Variants in PLEKHA5 observed in about 807,000 individuals in gnomAD.
PLEKHA5 encodes the protein pleckstrin homology domain containing A5.
A neutral mutation model predicts 181.9 loss-of-function variants in PLEKHA5; 55 were observed. The ratio of observed to expected loss-of-function variants is 0.30; its 90% CI spans 0.24 to 0.38. The LOEUF (loss-of-function observed/expected upper bound fraction) is 0.38, where lower values mean the gene tolerates loss of function less well. Among genes scored for constraint, PLEKHA5 ranks in the 10% least tolerant of loss-of-function variants. The pLI is 1.00. For missense variants in PLEKHA5, 1,432 were observed against 1,549.5 expected (o/e 0.92, Z 1.27); for synonymous variants, 535 against 529.4 (o/e 1.01, Z -0.15).
chr12:19,316,457 C>G (rs892834031), intron 16 of PLEKHA5, among the ~76,000 whole-genome samples: 1 of 152,052 alleles, frequency 6.6e-6, no homozygotes, highest in Non-Finnish European at 1.5e-5. Context: ...ATGTCTGAGA[C>G]TGGCACATTA....
intron 3 of PLEKHA5, among the ~76,000 whole-genome samples, chr12:19,227,755 G>T (rs1337138270): frequency 6.6e-6 from 1 of 152,296 alleles, no homozygotes; most frequent in African/African-American, 2.4e-5. Context: ...AAGAAAAAAA[G>T]AATGGGCAGT....
chr12:19,260,357 G>A (rs1049304937), intron 6 of PLEKHA5, among the ~76,000 whole-genome samples: 1 of 152,186 alleles, frequency 6.6e-6, no homozygotes, highest in African/African-American at 2.4e-5. Flanking sequence ...AGATGTTTGT[G>A]TTGAGAAGAG....
intron 15 of PLEKHA5, chr12:19,306,699 C>T (rs377165520): frequency 2.0e-6 from 3 of 1,469,510 alleles, no homozygotes; most frequent in African/African-American, 2.8e-5. Context: ...GGACTCTCTT[C>T]GGTTTCCTAG....
intron 3 of PLEKHA5, among the ~76,000 whole-genome samples, chr12:19,187,991 T>G (rs1176306019): frequency 6.6e-6 from 1 of 152,232 alleles, no homozygotes; most frequent in African/African-American, 2.4e-5. Context: ...CTTTGACAAA[T>G]TACTTACATA....
At chr12:19,288,323 G>A (rs950780297) in intron 13 of PLEKHA5, among the ~76,000 whole-genome samples, 2 of 152,120 alleles carry the variant, frequency 1.3e-5, no homozygotes, top group Admixed American at 6.5e-5. Flanking sequence ...ACAAGCGTTC[G>A]ATCAAAGCAA....
At chr12:19,297,485 G>A (rs971920844) in intron 15 of PLEKHA5, among the ~76,000 whole-genome samples, 6 of 151,088 alleles carry the variant, frequency 4.0e-5, no homozygotes, top group African/African-American at 7.3e-5. Context: ...AGCCGGGCGC[G>A]GTGGCGGGCG....
intron 13 of PLEKHA5, among the ~76,000 whole-genome samples, chr12:19,288,858 A>G (rs1407138780): frequency 6.6e-6 from 1 of 152,182 alleles, no homozygotes; most frequent in Non-Finnish European, 1.5e-5. Context: ...ATTTACCACC[A>G]CCTACTTTCT....
intron 15 of PLEKHA5, among the ~76,000 whole-genome samples, chr12:19,292,175 G>A (rs1447316088): frequency 6.6e-6 from 1 of 152,310 alleles, no homozygotes; most frequent in East Asian, 1.9e-4. Flanking sequence ...GGAGGCTGAG[G>A]CAGGCGGCTC....
In PLEKHA5 at chr12:19,130,146, A is replaced by T. The variant is rs1298565473; in HGVS notation, c.169+16A>T. On this transcript the variant is annotated intron_variant, in intron 2 of 31. Transcript: ENST00000429027. This position sits in a 1 kb window ranked among gnomAD's most constrained non-coding sequence, Gnocchi z 4.5. ...CAGAGCACAGGTAACGCCGGGCCCAAACGGAGTTGGGCTCCGCCTGGAGGA... is the reference window on the plus strand; with the variant it reads ...CAGAGCACAGGTAACGCCGGGCCCATACGGAGTTGGGCTCCGCCTGGAGGA... The T allele has an allele frequency of 1.3e-6, 2 of 1,528,460 alleles. No individual in the cohort carries two copies. Among genetic ancestry groups the T allele is most frequent in the Admixed American group, 3.9e-5 (2 of 51,298 alleles). The allele number at this position is 1,528,460 out of a possible 1,614,324, so 94.7% of individuals were successfully genotyped here.
intron 3 of PLEKHA5, among the ~76,000 whole-genome samples, chr12:19,141,623 GAA>G (rs1419465401): frequency 1.3e-5 from 2 of 152,226 alleles, no homozygotes; most frequent in African/African-American, 4.8e-5. Flanking sequence ...AGTAATAGTT[GAA>G]GTTATTCGGG....
At chr12:19,338,766 C>T (rs2093651725) in intron 21 of PLEKHA5, among the ~76,000 whole-genome samples, 1 of 151,606 alleles carries the variant, frequency 6.6e-6, no homozygotes, top group Admixed American at 6.6e-5. Context: ...CACCTGTAAT[C>T]CCAGCTACTC....
intron 3 of PLEKHA5, among the ~76,000 whole-genome samples, chr12:19,232,874 G>C (rs368756870): frequency 8.5e-4 from 129 of 152,248 alleles, no homozygotes; most frequent in African/African-American, 2.9e-3. Context: ...GTGTTTAGAA[G>C]TTGTTGGCCC....
chr12:19,286,372 A>C (rs1260508400), intron 12 of PLEKHA5, among the ~76,000 whole-genome samples: 1 of 152,208 alleles, frequency 6.6e-6, no homozygotes, highest in Non-Finnish European at 1.5e-5. Flanking sequence ...AAAAAATATC[A>C]GTTTTTTGAG....
intron 3 of PLEKHA5, among the ~76,000 whole-genome samples, chr12:19,222,111 ATG>A (rs1034123698): frequency 4.6e-5 from 7 of 152,002 alleles, no homozygotes; most frequent in African/African-American, 1.7e-4. Context: ...TAAAATATAT[ATG>A]TGTGTGTATG....
At chr12:19,230,198 C>G (rs1355130824) in intron 3 of PLEKHA5, among the ~76,000 whole-genome samples, 1 of 152,092 alleles carries the variant, frequency 6.6e-6, no homozygotes, top group East Asian at 1.9e-4. Flanking sequence ...CATTTACAAA[C>G]CTTAAGCTAG....
intron 3 of PLEKHA5, among the ~76,000 whole-genome samples, chr12:19,168,528 G>T (rs2045110925): frequency 6.6e-6 from 1 of 151,416 alleles, no homozygotes. Flanking sequence ...AAACTCAGTA[G>T]GAGAAATAAA....
chr12:19,344,451 A>G (rs2094171803), intron 22 of PLEKHA5, among the ~76,000 whole-genome samples: 1 of 152,234 alleles, frequency 6.6e-6, no homozygotes, highest in Admixed American at 6.5e-5. Context: ...TCCATTGTAT[A>G]AGGGAACTGT....
chr12:19,269,024 A>G (rs891969365), intron 8 of PLEKHA5, among the ~76,000 whole-genome samples: 2 of 152,090 alleles, frequency 1.3e-5, no homozygotes, highest in Non-Finnish European at 2.9e-5. Context: ...ATGCCATAAC[A>G]TGTACATTTC....
chr12:19,170,548 T>G (rs1423439422), intron 3 of PLEKHA5, among the ~76,000 whole-genome samples: 2 of 151,222 alleles, frequency 1.3e-5, no homozygotes, highest in Non-Finnish European at 2.9e-5. Flanking sequence ...GCCTCCGGAG[T>G]AGCTGTGATT....
Sources: allele counts gnomAD v4.1 joint callset (sites outside exome capture counted in the v4.1 genomes callset), GRCh38; gene constraint gnomAD v4.1.1; non-coding constraint Gnocchi (gnomAD v3.1); transcripts MANE v1.5; gene names NCBI Gene and HGNC (gene_info 2026-07-23, HGNC 2026-07-21).